LYPD1: variants seen among roughly 807,000 people sequenced by gnomAD.
LYPD1 encodes LY6/PLAUR domain containing 1.
A neutral mutation model predicts 14.2 loss-of-function variants in LYPD1; 14 were observed. That is an observed-to-expected ratio of 0.99 (90% CI 0.65 to 1.54). The LOEUF (loss-of-function observed/expected upper bound fraction) is 1.54, where lower values mean the gene tolerates loss of function less well. Among genes scored for constraint, LYPD1 ranks in the 40% most tolerant of loss-of-function variants. LYPD1 has a pLI of 0.00. For synonymous variants in LYPD1, 85 were observed against 70.6 expected (o/e 1.20, Z -1.02); for missense variants, 165 against 175.7 (o/e 0.94, Z 0.34).
Position 132,645,964 on chromosome 2 carries a change from A to G in LYPD1, c.*81T>C, listed in dbSNP as rs1682046877. 2 of 1,079,876 alleles carry G rather than the reference A, an allele frequency of 1.9e-6. No homozygotes were observed. Among genetic ancestry groups the G allele is most frequent in the East Asian group, 2.5e-5 (1 of 39,306 alleles). The allele number at this position is 1,079,876 out of a possible 1,614,324, so 66.9% of individuals were successfully genotyped here. A position where few individuals can be genotyped will look rare whatever the true frequency, so the allele number is the denominator to read the frequency against. ...CTACCCAGAATAAAAGGACACCCAG[A>G]AGAAACTCACTCAGGGAGGTGGGGG... On this transcript the variant is annotated 3_prime_UTR_variant, in exon 3 of 3. Transcript: ENST00000397463.
In LYPD1 at chr2:132,646,268, C is replaced by CGGTACATGATCCCTGTAACACAG. The variant is rs1411376774; in HGVS notation, c.191-11_202dup (p.Arg68ProfsTer34). ...GGCCGCTGATGATGCACAGGACTTG[C>CGGTACATGATCCCTGTAACACAG]GGTACATGATCCCTGTAACACAGAC... On this transcript the variant is annotated frameshift_variant, in exon 3 of 3. Transcript: ENST00000397463. LOFTEE classifies it high-confidence loss of function. The CGGTACATGATCCCTGTAACACAG allele has an allele frequency of 6.4e-7, 1 of 1,551,210 alleles. No individual in the cohort carries two copies.
Position 132,670,061 on chromosome 2 carries a change from C to T in LYPD1, c.-129G>A, listed in dbSNP as rs777238649. On this transcript the variant is annotated 5_prime_UTR_variant, in exon 1 of 3. Coordinates refer to ENST00000397463, the MANE Select transcript of LYPD1 (RefSeq NM_144586.7). This position sits in a 1 kb window ranked among gnomAD's most constrained non-coding sequence, Gnocchi z 4.5. ...GCCCGCGCTGCTGCCGCGGAGACGA[C>T]GGTCGTAGCTTAGAGGAGCCGCAGG... The T allele has an allele frequency of 1.6e-5, 24 of 1,523,522 alleles. No individual in the cohort carries two copies. The highest frequency in any genetic ancestry group is 2.3e-4 in the Middle Eastern group (1 of 4,438). 94.4% of individuals were successfully genotyped at this position (1,523,522 alleles called of 1,614,324 possible).
chr2:132,657,758 T>C (rs1329930963), intron 2 of LYPD1, among the ~76,000 whole-genome samples: 1 of 152,208 alleles, frequency 6.6e-6, no homozygotes, highest in Non-Finnish European at 1.5e-5. Flanking sequence ...TTCCAAAGGG[T>C]GACAGTGATC....
At chr2:132,652,408 A>G (rs144470874) in intron 2 of LYPD1, among the ~76,000 whole-genome samples, 26 of 152,328 alleles carry the variant, frequency 1.7e-4, no homozygotes, top group Non-Finnish European at 2.2e-4. Flanking sequence ...TTATTCCTAC[A>G]TTGGTGTCAC....
At chr2:132,654,262 A>G (rs1302172914) in intron 2 of LYPD1, among the ~76,000 whole-genome samples, 4 of 152,140 alleles carry the variant, frequency 2.6e-5, no homozygotes, top group Non-Finnish European at 5.9e-5. Flanking sequence ...TCAGCTGGGC[A>G]TGGTGGCGCT....
Position 132,645,806 on chromosome 2 carries a change from G to A in LYPD1, c.*239C>T, listed in dbSNP as rs1682037903. 1.9e-5 allele frequency: 14 copies of A among 749,770 alleles called. 1 individual carries two copies. The highest frequency in any genetic ancestry group is 3.9e-4 in the Middle Eastern group (1 of 2,588). 46.4% of individuals were successfully genotyped at this position (749,770 alleles called of 1,614,324 possible). A position where few individuals can be genotyped will look rare whatever the true frequency, so the allele number is the denominator to read the frequency against. On this transcript the variant is annotated 3_prime_UTR_variant, in exon 3 of 3. Transcript: ENST00000397463. ...CTTGACTCCGGTTACACAGACATGG[G>A]GGTGAACTTTCACTCCACCTCCTTC...
intron 2 of LYPD1, 67 bp downstream of exon 2, chr2:132,668,333 A>G (rs1282980945): frequency 3.3e-6 from 5 of 1,506,822 alleles, no homozygotes; most frequent in Non-Finnish European, 4.4e-6. Flanking sequence ...CTGCTATTTA[A>G]TGGCCCCCTC....
chr2:132,648,106 A>ACACTT (rs1682201489), intron 2 of LYPD1, among the ~76,000 whole-genome samples: 1 of 152,186 alleles, frequency 6.6e-6, no homozygotes, highest in African/African-American at 2.4e-5. Flanking sequence ...TCTAAGGAAT[A>ACACTT]CACTTCAGGG....
intron 2 of LYPD1, among the ~76,000 whole-genome samples, chr2:132,649,907 G>A (rs958254853): frequency 3.3e-5 from 5 of 151,956 alleles, no homozygotes; most frequent in Admixed American, 1.3e-4. Context: ...GAGTTGTAAA[G>A]GCTATTCTAT....
rs1417020930 is a variant in LYPD1, at chr2:132,644,130, G to A, written c.*1915C>T. On this transcript the variant is annotated 3_prime_UTR_variant, in exon 3 of 3. Coordinates refer to ENST00000397463, the MANE Select transcript of LYPD1 (RefSeq NM_144586.7). ...TTTGTCACTGTAACTAAACTCTCAT[G>A]ATACCTGTGATTTCAGTTGTTTGTG... is the stretch of plus-strand genomic sequence containing the variant. 6.6e-6 allele frequency among the ~76,000 whole-genome samples: 1 copy of A among 152,210 alleles called. No homozygotes were observed. Among genetic ancestry groups the A allele is most frequent in the African/African-American group, 2.4e-5 (1 of 41,456 alleles).
At chr2:132,652,254 C>G (rs181751508) in intron 2 of LYPD1, among the ~76,000 whole-genome samples, 32 of 152,208 alleles carry the variant, frequency 2.1e-4, no homozygotes, top group African/African-American at 7.7e-4. Flanking sequence ...GCAATCAGAA[C>G]AGTGCCTGGC....
chr2:132,652,342 G>A (rs573171599), intron 2 of LYPD1, among the ~76,000 whole-genome samples: 2 of 152,284 alleles, frequency 1.3e-5, no homozygotes, highest in East Asian at 3.9e-4. Flanking sequence ...CAGAAGGAAA[G>A]GGGGTTATTT....
In LYPD1 at chr2:132,646,423, T is replaced by A. The variant is rs1573721736; in HGVS notation, c.191-143A>T. Reference sequence around the variant, plus strand: ...GGTGAGGTCAGGGAAGTGCTTCGGATTGTCTCATTGATATTCAAGATAGAT... The same window carrying A: ...GGTGAGGTCAGGGAAGTGCTTCGGAATGTCTCATTGATATTCAAGATAGAT... On this transcript the variant is annotated intron_variant, in intron 2 of 2. Transcript: ENST00000397463. 1.1e-5 allele frequency: 5 copies of A among 436,708 alleles called. No individual in the cohort carries two copies. The East Asian group carries it at 1.8e-4, about 15-fold the overall frequency. 27.1% of individuals were successfully genotyped at this position (436,708 alleles called of 1,614,324 possible). A position where few individuals can be genotyped will look rare whatever the true frequency, so the allele number is the denominator to read the frequency against.
intron 2 of LYPD1, among the ~76,000 whole-genome samples, chr2:132,651,087 GATA>G (rs1208001206): frequency 6.6e-6 from 1 of 152,210 alleles, no homozygotes; most frequent in Admixed American, 6.5e-5. Flanking sequence ...ACAAAAAAGA[GATA>G]ATATTGGTTG....
At position 132,645,672 on chromosome 2, in the gene LYPD1, CTGCAGTCTCAAACTA is replaced by C. The variant is rs879169654; in HGVS notation, c.*358_*372del. The C allele has an allele frequency of 1.4e-5, 22 of 1,546,236 alleles. No individual in the cohort carries two copies. In the South Asian group the frequency reaches 2.1e-4, roughly 15 times the overall value. ...GCCCTAAGAAAACGTCACTCTCACT[CTGCAGTCTCAAACTA>C]TGCCCCCATCAGGGATGGAATGGAC... is the stretch of plus-strand genomic sequence containing the variant. On this transcript the variant is annotated 3_prime_UTR_variant, in exon 3 of 3. Coordinates refer to ENST00000397463, the MANE Select transcript of LYPD1 (RefSeq NM_144586.7).
chr2:132,650,444 C>T (rs1374512686), intron 2 of LYPD1, among the ~76,000 whole-genome samples: 1 of 152,154 alleles, frequency 6.6e-6, no homozygotes, highest in Non-Finnish European at 1.5e-5. Context: ...TGTGACCTAG[C>T]AATTCCACTT....
At chr2:132,670,399 G>T (rs925525345), upstream of LYPD1, among the ~76,000 whole-genome samples, 1 of 152,168 alleles carries the variant, frequency 6.6e-6, no homozygotes, top group African/African-American at 2.4e-5. The surrounding 1 kb of genome is among the most constrained non-coding windows in gnomAD (Gnocchi z 4.5). Flanking sequence ...AAGGGGCGCC[G>T]GGGGGCGGGA....
In LYPD1 at chr2:132,645,996, G is replaced by A. The variant is rs1682050414; in HGVS notation, c.*49C>T. Reference sequence around the variant, plus strand: ...TCACTCAGGGAGGTGGGGGGTTGGGGGCGAGGGCTGGAAGAACAATGCAGG... The same window carrying A: ...TCACTCAGGGAGGTGGGGGGTTGGGAGCGAGGGCTGGAAGAACAATGCAGG... On this transcript the variant is annotated 3_prime_UTR_variant, in exon 3 of 3. Coordinates refer to ENST00000397463, the MANE Select transcript of LYPD1 (RefSeq NM_144586.7). 4 of 1,403,590 alleles carry A rather than the reference G, an allele frequency of 2.8e-6. No homozygotes were observed. In the South Asian group the frequency reaches 5.8e-5, roughly 20 times the overall value. 86.9% of individuals were successfully genotyped at this position (1,403,590 alleles called of 1,614,324 possible). A position where few individuals can be genotyped will look rare whatever the true frequency, so the allele number is the denominator to read the frequency against.
At chr2:132,655,983 C>A (rs1682574220) in intron 2 of LYPD1, among the ~76,000 whole-genome samples, 1 of 152,156 alleles carries the variant, frequency 6.6e-6, no homozygotes, top group Non-Finnish European at 1.5e-5. Context: ...GATGTACATA[C>A]AACTTTCGGC....
Sources: allele counts gnomAD v4.1 joint callset (sites outside exome capture counted in the v4.1 genomes callset), GRCh38; gene constraint gnomAD v4.1.1; non-coding constraint Gnocchi (gnomAD v3.1); transcripts MANE v1.5; gene names NCBI Gene and HGNC (gene_info 2026-07-23, HGNC 2026-07-21).